The following REV3L variants were observed in gnomAD, a reference collection of about 807,000 sequenced individuals.
The protein encoded by REV3L is REV3 like, DNA directed polymerase zeta catalytic subunit, also known as DNA polymerase zeta catalytic subunit.
Under a neutral mutation model 299.4 loss-of-function variants are expected in REV3L, and 69 were observed. That is an observed-to-expected ratio of 0.23 (90% CI 0.19 to 0.28). The LOEUF is 0.28. REV3L is among the 10% of genes least tolerant of loss of function. The pLI, the probability that REV3L is intolerant of heterozygous loss-of-function variation, is 1.00. For missense variants in REV3L, 3,128 were observed against 3,693.8 expected (o/e 0.85, Z 3.97); for synonymous variants, 1,238 against 1,271.4 (o/e 0.97, Z 0.56).
At chr6:111,411,402 C>T (rs1250083438) in intron 3 of REV3L, 78 bp downstream of exon 3, 18 of 883,882 alleles carry the variant, frequency 2.0e-5, no homozygotes, top group Middle Eastern at 3.4e-4. Flanking sequence ...ACTATAGAGG[C>T]CTTCTTTCTA....
chr6:111,339,630 A>G (rs1215976885), intron 21 of REV3L, among the ~76,000 whole-genome samples: 1 of 152,156 alleles, frequency 6.6e-6, no homozygotes, highest in Non-Finnish European at 1.5e-5. Flanking sequence ...TATCTTATAC[A>G]GTTTATCCAG....
intron 26 of REV3L, among the ~76,000 whole-genome samples, chr6:111,317,533 C>T (rs1773671225): frequency 6.6e-6 from 1 of 152,176 alleles, no homozygotes; most frequent in African/African-American, 2.4e-5. Flanking sequence ...GTTACCGAGG[C>T]TGGAGTGCAG....
intron 3 of REV3L, 135 bp from the exon 4 acceptor site, chr6:111,405,765 G>T (rs1783554994): frequency 1.8e-6 from 1 of 571,112 alleles, no homozygotes; most frequent in East Asian, 3.4e-5. Flanking sequence ...CCGGAAATTT[G>T]TATTTTGTTA....
At chr6:111,334,576 A>G (rs1330970513) in intron 22 of REV3L, among the ~76,000 whole-genome samples, 2 of 152,182 alleles carry the variant, frequency 1.3e-5, no homozygotes, top group African/African-American at 2.4e-5. Context: ...GTTTCTAATA[A>G]TAACTATTAG....
At chr6:111,422,279 G>T (rs1357557538) in intron 1 of REV3L, among the ~76,000 whole-genome samples, 1 of 151,904 alleles carries the variant, frequency 6.6e-6, no homozygotes, top group African/African-American at 2.4e-5. Flanking sequence ...AGTTTTATAA[G>T]AATACACCAC....
In REV3L at chr6:111,375,418, A is replaced by G. The variant is rs528072170; in HGVS notation, c.2937T>C (p.Ile979=). 4.0e-5 allele frequency: 64 copies of G among 1,598,162 alleles called. No homozygotes were observed. Among genetic ancestry groups the G allele is most frequent in the South Asian group, 3.0e-4 (26 of 87,404 alleles). The change falls in exon 13 of 32, where the codon ATT becomes ATC. Residue 979 remains isoleucine, a synonymous_variant. Transcript: ENST00000368802. ...KKLPPVIIKY[I]IINRFRGRKN... ...TTCTCCCTCTAAATCTATTAATAAT[A>G]ATATACTTTATGATGACAGGGGGCA...
At chr6:111,425,281 C>A (rs1294758061) in intron 1 of REV3L, among the ~76,000 whole-genome samples, 1 of 151,966 alleles carries the variant, frequency 6.6e-6, no homozygotes, top group Non-Finnish European at 1.5e-5. Flanking sequence ...ACATGGAAAC[C>A]CCGTCTCTAC....
intron 31 of REV3L, among the ~76,000 whole-genome samples, chr6:111,306,349 A>G (rs1391903153): frequency 1.3e-5 from 2 of 152,144 alleles, no homozygotes; most frequent in Admixed American, 6.6e-5. Context: ...GAGAAGTTCA[A>G]TATGGTATGG....
intron 25 of REV3L, among the ~76,000 whole-genome samples, chr6:111,323,976 G>T (rs1330454948): frequency 6.6e-6 from 1 of 151,936 alleles, no homozygotes; most frequent in Non-Finnish European, 1.5e-5. Flanking sequence ...GAAACGAGTT[G>T]GGATTTATTT....
Position 111,376,142 on chromosome 6 carries a change from G to A in REV3L, c.2213C>T (p.Ser738Leu). 2.5e-6 allele frequency: 4 copies of A among 1,612,806 alleles called. No individual in the cohort carries two copies. The highest frequency in any genetic ancestry group is 3.4e-6 in the Non-Finnish European group (4 of 1,179,920). Residue 738 changes from serine (S) to leucine (L), a missense_variant, in exon 13 of 32, where the codon TCA (serine) becomes TTA (leucine). Physicochemically the swap from Ser to Leu is moderately radical, Grantham distance 145. Coordinates refer to ENST00000368802, the MANE Select transcript of REV3L (RefSeq NM_001372078.1). ...NSTALSSLFPSSFTENCELLS... is the reference protein window; with the variant it reads ...NSTALSSLFPLSFTENCELLS... ...TAATTCACAATTTTCAGTAAATGAT[G>A]AAGGGAATAAACTACTCAGAGCTGT...
At chr6:111,387,278 CA>C (rs1231291214) in intron 9 of REV3L, among the ~76,000 whole-genome samples, 6 of 152,080 alleles carry the variant, frequency 3.9e-5, no homozygotes, top group African/African-American at 1.4e-4. Context: ...TGGAAATAGG[CA>C]TAACTGTAAA....
Position 111,405,364 on chromosome 6 carries a change from CATTT to C in REV3L, c.565+102_565+105del, listed in dbSNP as rs1379219234. 7.6e-6 allele frequency: 5 copies of C among 654,092 alleles called. No individual in the cohort carries two copies. The Admixed American group carries it at 1.6e-4, about 22-fold the overall frequency. 40.5% of individuals were successfully genotyped at this position (654,092 alleles called of 1,614,324 possible). On this transcript the variant is annotated intron_variant, in intron 4 of 31. Transcript: ENST00000368802. ...TTCTTTTCATTCTTTAGTCACTCAA[CATTT>C]ATTTTCTAAATATATATTATTTTAT...
At chr6:111,362,866 A>G (rs1319067711) in intron 16 of REV3L, among the ~76,000 whole-genome samples, 1 of 152,236 alleles carries the variant, frequency 6.6e-6, no homozygotes, top group Non-Finnish European at 1.5e-5. Flanking sequence ...AATTAAATAA[A>G]GTTTAAAATT....
chr6:111,416,238 T>A (rs531935145), intron 2 of REV3L, 45 bp downstream of exon 2: 1 of 1,325,136 alleles, frequency 7.5e-7, no homozygotes, highest in Middle Eastern at 2.1e-4. Context: ...CTAAATAGAA[T>A]AGCAACATAA....
rs1010904145 is a variant in REV3L at position 111,340,683 on chromosome 6, T to C, written c.7538+3242A>G. On this transcript the variant is annotated intron_variant, in intron 21 of 31. Transcript: ENST00000368802. ...CCAAAAAAGTAAGTCAGACTTATTT[T>C]TTTGTATTCACTTAAAGTTAAGAAT... Among the ~76,000 whole-genome samples, 3 of 152,086 alleles carry C rather than the reference T, an allele frequency of 2.0e-5. No homozygotes were observed. The South Asian group carries it at 6.2e-4, about 32-fold the overall frequency.
rs555077962 is a variant in REV3L at position 111,338,498 on chromosome 6, C to CT, written c.7539-2889dup. ...TTGATAATTGTTCATGTCTTTTACC[C>CT]TTTTTTTTACTAATTTAAAAGTATA... On this transcript the variant is annotated intron_variant, in intron 21 of 31. Transcript: ENST00000368802. Among the ~76,000 whole-genome samples the CT allele has an allele frequency of 7.8e-4, 117 of 150,108 alleles. No individual in the cohort carries two copies. In the South Asian group the frequency reaches 0.019, roughly 25 times the overall value.
chr6:111,452,611 A>C (rs1461938382), intron 1 of REV3L, among the ~76,000 whole-genome samples: 1 of 152,212 alleles, frequency 6.6e-6, no homozygotes, highest in Non-Finnish European at 1.5e-5. Context: ...ACAGTGATAT[A>C]GCAGATAAGT....
chr6:111,480,976 A>T (rs993825701), intron 1 of REV3L, among the ~76,000 whole-genome samples: 3 of 152,042 alleles, frequency 2.0e-5, no homozygotes, highest in African/African-American at 7.2e-5. Flanking sequence ...TTTAAGGAAC[A>T]TTTCCTCACG....
At chr6:111,386,361 T>C (rs1053889140) in intron 9 of REV3L, among the ~76,000 whole-genome samples, 1 of 152,150 alleles carries the variant, frequency 6.6e-6, no homozygotes, top group Admixed American at 6.5e-5. Context: ...TCGACATCAG[T>C]AGTAATGAGG....
Sources: allele counts gnomAD v4.1 joint callset (sites outside exome capture counted in the v4.1 genomes callset), GRCh38; gene constraint gnomAD v4.1.1; transcripts MANE v1.5; gene names NCBI Gene and HGNC (gene_info 2026-07-23, HGNC 2026-07-21).